The following CSMD1 variants were observed in gnomAD, a reference collection of about 807,000 sequenced individuals.
CSMD1 encodes CUB and Sushi multiple domains 1, also known as CUB and sushi domain-containing protein 1.
A neutral mutation model predicts 417.5 loss-of-function variants in CSMD1; 213 were observed. That is an observed-to-expected ratio of 0.51 (90% CI 0.46 to 0.57). The LOEUF (loss-of-function observed/expected upper bound fraction) is 0.57. CSMD1 is among the 20% of genes least tolerant of loss of function. CSMD1 has a pLI of 0.00. For synonymous variants in CSMD1, 2,862 were observed against 1,736.8 expected (o/e 1.65, Z -16.11); for missense variants, 6,923 against 4,529.7 (o/e 1.53, Z -15.17).
intron 5 of CSMD1, among the ~76,000 whole-genome samples, chr8:3,821,639 G>T (rs907083955): frequency 6.6e-6 from 1 of 152,032 alleles, no homozygotes; most frequent in Admixed American, 6.5e-5. Context: ...AAAATTAGCC[G>T]GGCATGGTGG....
chr8:4,289,089 G>C (rs747105469), intron 3 of CSMD1, among the ~76,000 whole-genome samples: 1 of 152,102 alleles, frequency 6.6e-6, no homozygotes, highest in Non-Finnish European at 1.5e-5. Context: ...ATTATATTTG[G>C]TGTAACAGCA....
intron 3 of CSMD1, among the ~76,000 whole-genome samples, chr8:4,373,427 G>A (rs574142648): frequency 1.3e-5 from 2 of 152,320 alleles, no homozygotes; most frequent in East Asian, 3.9e-4. Context: ...GAGACAGAGT[G>A]TGGAGTATTT....
Position 3,083,608 on chromosome 8 carries a change from TTTTATATATATATATATATATATA to T in CSMD1, c.7474+3465_7474+3488del, listed in dbSNP as rs1341596689. ...CATCCACGGTGACAGTTACCATAAT[TTTTATATATATATATATATATATA>T]TATATATATATATATATTTTTTTTT... On this transcript the variant is annotated intron_variant, in intron 49 of 69. Coordinates refer to ENST00000635120, the MANE Select transcript of CSMD1 (RefSeq NM_033225.6). Among the ~76,000 whole-genome samples the T allele has an allele frequency of 5.1e-4, 23 of 45,006 alleles. 2 individuals carry two copies. In the South Asian group the frequency reaches 0.021, roughly 42 times the overall value. The allele number at this position is 45,006 out of a possible 152,430, so 29.5% of individuals were successfully genotyped here.
Position 4,338,394 on chromosome 8 carries a change from G to T in CSMD1, c.415+81559C>A, listed in dbSNP as rs111304969. Among the ~76,000 whole-genome samples, 306 of 152,170 alleles carry T rather than the reference G, an allele frequency of 2.0e-3. 1 individual carries two copies. Among genetic ancestry groups the T allele is most frequent in the African/African-American group, 7.0e-3 (290 of 41,560 alleles). ...TCTTATGTTTGCAAATTACGTAAAA[G>T]TACATACTAGTGTGGATGAATCAAG... On this transcript the variant is annotated intron_variant, in intron 3 of 69. Coordinates refer to ENST00000635120, the MANE Select transcript of CSMD1 (RefSeq NM_033225.6).
intron 3 of CSMD1, among the ~76,000 whole-genome samples, chr8:4,363,090 G>C (rs546758786): frequency 6.6e-6 from 1 of 152,120 alleles, no homozygotes; most frequent in African/African-American, 2.4e-5. Context: ...GGTCACAGTG[G>C]ATCATAATAT....
intron 2 of CSMD1, among the ~76,000 whole-genome samples, chr8:4,468,961 A>G (rs1800355492): frequency 6.6e-6 from 1 of 152,162 alleles, no homozygotes; most frequent in South Asian, 2.1e-4. Flanking sequence ...GACCTTCAAG[A>G]GCATGATGTG....
intron 7 of CSMD1, among the ~76,000 whole-genome samples, chr8:3,620,962 G>C (rs1253438254): frequency 6.6e-6 from 1 of 152,114 alleles, no homozygotes; most frequent in Admixed American, 6.6e-5. Flanking sequence ...ACTTTAAAGA[G>C]GTAATTAACT....
chr8:3,909,538 C>G (rs140367674), intron 5 of CSMD1, among the ~76,000 whole-genome samples: 1 of 152,236 alleles, frequency 6.6e-6, no homozygotes, highest in East Asian at 1.9e-4. Context: ...TCGCTCTCCC[C>G]AGGTATTTCA....
chr8:4,095,376 C>G (rs1328303493), intron 3 of CSMD1, among the ~76,000 whole-genome samples: 1 of 149,892 alleles, frequency 6.7e-6, no homozygotes. Flanking sequence ...GATGTAGAAA[C>G]TAAAACAAAC....
intron 4 of CSMD1, among the ~76,000 whole-genome samples, chr8:4,020,022 T>C (rs567632628): frequency 1.3e-5 from 2 of 152,244 alleles, no homozygotes; most frequent in South Asian, 2.1e-4. Context: ...GGGCACTTAG[T>C]TCTGAAATCT....
At chr8:3,812,947 C>G (rs554349839) in intron 5 of CSMD1, among the ~76,000 whole-genome samples, 2 of 152,108 alleles carry the variant, frequency 1.3e-5, no homozygotes, top group African/African-American at 4.8e-5. Context: ...AGGTATCTAT[C>G]ATGGTAAAGG....
intron 1 of CSMD1, among the ~76,000 whole-genome samples, chr8:4,911,909 G>C (rs1805701181): frequency 6.6e-6 from 1 of 151,814 alleles, no homozygotes. Context: ...TACTAGACAG[G>C]TATTTTGTGG....
intron 12 of CSMD1, among the ~76,000 whole-genome samples, chr8:3,448,218 G>C (rs1815426953): frequency 6.8e-6 from 1 of 148,126 alleles, no homozygotes; most frequent in Non-Finnish European, 1.5e-5. Flanking sequence ...TTTCCTGATG[G>C]GGCCAACTCT....
intron 3 of CSMD1, among the ~76,000 whole-genome samples, chr8:4,320,009 G>C (rs1374383646): frequency 6.6e-6 from 1 of 152,138 alleles, no homozygotes; most frequent in Non-Finnish European, 1.5e-5. Flanking sequence ...ATTGGGTTAA[G>C]TACTCAAAGT....
At chr8:2,978,895 A>G in intron 54 of CSMD1, 95 bp from the exon 55 acceptor site, 1 of 1,120,122 alleles carries the variant, frequency 8.9e-7, no homozygotes, top group Non-Finnish European at 1.2e-6. Context: ...TCATTTTAGA[A>G]AGTTCAAAAA....
intron 3 of CSMD1, among the ~76,000 whole-genome samples, chr8:4,106,750 C>A (rs1801588190): frequency 6.6e-6 from 1 of 152,068 alleles, no homozygotes; most frequent in African/African-American, 2.4e-5. Context: ...AACAACAGAC[C>A]CCGCACAGCT....
chr8:4,191,017 A>G (rs1798994667), intron 3 of CSMD1, among the ~76,000 whole-genome samples: 1 of 152,158 alleles, frequency 6.6e-6, no homozygotes, highest in Non-Finnish European at 1.5e-5. Context: ...TTGAGTGATG[A>G]AGTCATCTGT....
chr8:4,010,932 A>G (rs1391325202), intron 4 of CSMD1, among the ~76,000 whole-genome samples: 1 of 152,118 alleles, frequency 6.6e-6, no homozygotes, highest in Non-Finnish European at 1.5e-5. Flanking sequence ...ATAATCCTAC[A>G]TTGGCCCATA....
chr8:4,083,106 T>G (rs562584245), intron 3 of CSMD1, among the ~76,000 whole-genome samples: 1 of 152,226 alleles, frequency 6.6e-6, no homozygotes, highest in African/African-American at 2.4e-5. Flanking sequence ...GCAGCATGAT[T>G]TATAGTCCTT....
Sources: gnomAD v4.1 joint callset for allele counts (sites outside exome capture counted in the v4.1 genomes callset) on GRCh38, gnomAD v4.1.1 for gene constraint, MANE v1.5 for transcripts, NCBI Gene and HGNC (gene_info 2026-07-23, HGNC 2026-07-21) for gene names.